OCA2: variants seen among roughly 807,000 people sequenced by gnomAD.
The protein encoded by OCA2 is P protein.
In OCA2, 77 loss-of-function variants were observed where a neutral mutation model predicts 100.2. That is an observed-to-expected ratio of 0.77 (90% CI 0.64 to 0.93). The LOEUF is 0.93. Ranked by LOEUF, OCA2 falls within the 40% of genes least tolerant of loss-of-function variation. The pLI, the probability that OCA2 is intolerant of heterozygous loss-of-function variation, is 0.00. For missense variants in OCA2, 1,062 were observed against 1,089.1 expected, an observed-to-expected ratio of 0.98 and a Z score of 0.35; for synonymous variants, 432 against 439.2, an observed-to-expected ratio of 0.98 and a Z score of 0.21.
chr15:27,797,518 A>G (rs1240406486), intron 23 of OCA2, among the ~76,000 whole-genome samples: 1 of 151,398 alleles, frequency 6.6e-6, no homozygotes, highest in African/African-American at 2.4e-5. Flanking sequence ...TCAGAAACAC[A>G]GCAGGCAGAG....
At chr15:28,031,051 G>A (rs1293596182) in intron 3 of OCA2, among the ~76,000 whole-genome samples, 1 of 152,090 alleles carries the variant, frequency 6.6e-6, no homozygotes, top group East Asian at 1.9e-4. Context: ...CTATCACATT[G>A]TCTAACATGG....
chr15:27,851,427 C>A lies in OCA2; in HGVS notation c.2293G>T (p.Ala765Ser). The change falls in exon 22 of 24, where the codon GCA becomes TCA. Residue 765 changes from alanine to serine, a missense_variant. Coordinates refer to ENST00000354638, the MANE Select transcript of OCA2 (RefSeq NM_000275.3). ...GCCAGGGCATACATGAGCGGCGGTGCGGGCAGGCCAACCTCAGGGTCGTGG... is the reference window on the plus strand; with the variant it reads ...GCCAGGGCATACATGAGCGGCGGTGAGGGCAGGCCAACCTCAGGGTCGTGG... ...LSHDPEVGLPAPPLMYALAFG... is the reference protein window; with the variant it reads ...LSHDPEVGLPSPPLMYALAFG... 2 of 1,613,880 alleles carry A rather than the reference C, an allele frequency of 1.2e-6. No individual in the cohort carries two copies. The highest frequency in any genetic ancestry group is 1.3e-5 in the African/African-American group (1 of 75,032).
chr15:28,098,312 T>C (rs996673132), intron 1 of OCA2, among the ~76,000 whole-genome samples: 2 of 152,234 alleles, frequency 1.3e-5, no homozygotes, highest in Non-Finnish European at 2.9e-5. Flanking sequence ...CTATGAGAGA[T>C]AGTTATCCCC....
intron 22 of OCA2, among the ~76,000 whole-genome samples, chr15:27,848,821 C>T (rs1326707531): frequency 6.6e-6 from 1 of 152,290 alleles, no homozygotes; most frequent in Non-Finnish European, 1.5e-5. Flanking sequence ...GCCACCAGTC[C>T]TTCAAGACCT....
rs115410148 is a variant in OCA2, at chr15:27,930,731, T to C, written c.1952-4477A>G. On this transcript the variant is annotated intron_variant, in intron 18 of 23. Transcript: ENST00000354638. ...TGCTGGGAGGTCAGGAGTAAGCGAG[T>C]ATCAAGAGGCTCAAGGAGCTCCTCA... 3.3e-3 allele frequency among the ~76,000 whole-genome samples: 500 copies of C among 151,190 alleles called. 2 individuals carry two copies. The highest frequency in any genetic ancestry group is 0.012 in the African/African-American group (483 of 41,448).
At chr15:27,760,695 T>C (rs943258012) in intron 23 of OCA2, among the ~76,000 whole-genome samples, 2 of 152,048 alleles carry the variant, frequency 1.3e-5, no homozygotes, top group African/African-American at 2.4e-5. Flanking sequence ...GTTGTACTAT[T>C]AACAATTGTA....
chr15:27,765,797 T>C lies in OCA2; in HGVS notation c.2433-10325A>G, dbSNP rs539694067. Among the ~76,000 whole-genome samples the C allele has an allele frequency of 1.3e-3, 192 of 152,372 alleles. 1 individual carries two copies. The highest frequency in any genetic ancestry group is 4.4e-3 in the African/African-American group (184 of 41,590). ...TTGGTCCGGGAACAGGAATGCATTA[T>C]AATTGGTGTATAATGAGCAGTGCGA... On this transcript the variant is annotated intron_variant, in intron 23 of 23. Transcript: ENST00000354638.
chr15:27,797,459 T>C (rs1595427588), intron 23 of OCA2, among the ~76,000 whole-genome samples: 1 of 152,188 alleles, frequency 6.6e-6, no homozygotes, highest in African/African-American at 2.4e-5. Flanking sequence ...AAACGGTTTA[T>C]GGGAAGAACA....
intron 23 of OCA2, among the ~76,000 whole-genome samples, chr15:27,760,484 T>C (rs2030745555): frequency 6.6e-6 from 1 of 151,614 alleles, no homozygotes; most frequent in Non-Finnish European, 1.5e-5. Context: ...TTCATGAATT[T>C]AAAAATAGGA....
chr15:28,041,321 TAAAA>T (rs3071601), intron 2 of OCA2, among the ~76,000 whole-genome samples: 54 of 145,032 alleles, frequency 3.7e-4, no homozygotes, highest in African/African-American at 1.3e-3. Flanking sequence ...CTTTCATGAT[TAAAA>T]AAAAAAAAAA....
At chr15:28,027,264 G>A (rs145611749) in intron 4 of OCA2, among the ~76,000 whole-genome samples, 9 of 151,764 alleles carry the variant, frequency 5.9e-5, no homozygotes, top group East Asian at 3.9e-4. Context: ...GTCCCCCTAC[G>A]CATGCGCATC....
At chr15:28,024,098 T>G (rs1454979122) in intron 5 of OCA2, among the ~76,000 whole-genome samples, 4 of 152,160 alleles carry the variant, frequency 2.6e-5, no homozygotes, top group Non-Finnish European at 2.9e-5. Context: ...GTGGGACCTG[T>G]GACTGTCGCC....
At chr15:27,728,471 C>G in the OCA2 span, among the ~76,000 whole-genome samples, 1 of 151,988 alleles carries the variant, frequency 6.6e-6, no homozygotes, top group African/African-American at 2.4e-5. Flanking sequence ...TTTTGGGGGT[C>G]CATCAGCCTT....
chr15:27,995,010 G>A (rs1296477848), intron 9 of OCA2, among the ~76,000 whole-genome samples: 3 of 152,138 alleles, frequency 2.0e-5, no homozygotes, highest in Non-Finnish European at 4.4e-5. Context: ...ACTGTCTCTA[G>A]AGACAAAGAA....
At chr15:27,958,499 G>C (rs1330716845) in intron 15 of OCA2, among the ~76,000 whole-genome samples, 1 of 152,134 alleles carries the variant, frequency 6.6e-6, no homozygotes, top group Non-Finnish European at 1.5e-5. Context: ...CTCCAACCAG[G>C]CGCCACTGAG....
At chr15:27,977,092 T>C (rs1209092307) in intron 14 of OCA2, among the ~76,000 whole-genome samples, 1 of 152,202 alleles carries the variant, frequency 6.6e-6, no homozygotes, top group Non-Finnish European at 1.5e-5. Flanking sequence ...AATGTCTGTA[T>C]GCTCTGTTGT....
chr15:27,752,888 T>A (rs2030121198), downstream of OCA2, among the ~76,000 whole-genome samples: 1 of 135,768 alleles, frequency 7.4e-6, no homozygotes, highest in African/African-American at 2.7e-5. Flanking sequence ...CACTTGCACT[T>A]ACCCAATGTG....
At chr15:27,841,934 T>A (rs1450228508) in intron 23 of OCA2, among the ~76,000 whole-genome samples, 5 of 152,254 alleles carry the variant, frequency 3.3e-5, no homozygotes, top group Non-Finnish European at 7.3e-5. Context: ...GAGAGCAACA[T>A]TTCTGGATGC....
chr15:27,733,860 A>G, the OCA2 span, among the ~76,000 whole-genome samples: 1 of 151,908 alleles, frequency 6.6e-6, no homozygotes, highest in Non-Finnish European at 1.5e-5. Flanking sequence ...ATTAAAGTAT[A>G]TTATTAAAAT....
Sources: gnomAD v4.1 joint callset for allele counts (sites outside exome capture counted in the v4.1 genomes callset) on GRCh38, gnomAD v4.1.1 for gene constraint, MANE v1.5 for transcripts, NCBI Gene and HGNC (gene_info 2026-07-23, HGNC 2026-07-21) for gene names.